DNER: variants seen among roughly 807,000 people sequenced by gnomAD.
The protein encoded by DNER is delta/notch like EGF repeat containing, also known as delta and Notch-like epidermal growth factor-related receptor.
DNER carries 33 observed loss-of-function variants against 78.2 expected under a neutral mutation model. That is an observed-to-expected ratio of 0.42 (90% CI 0.32 to 0.56). DNER has a LOEUF of 0.56. Among genes scored for constraint, DNER ranks in the 20% least tolerant of loss-of-function variants. DNER has a pLI of 0.11. For synonymous variants in DNER, 417 were observed against 384.8 expected (o/e 1.08, Z -0.98); for missense variants, 918 against 975.3 (o/e 0.94, Z 0.78).
At chr2:229,480,611 G>A (rs74779058) in intron 6 of DNER, among the ~76,000 whole-genome samples, 18,998 of 152,146 alleles carry the variant, frequency 0.12, 1,329 homozygotes, top group South Asian at 0.2. Context: ...ATTTCAATCA[G>A]AGAGGCTAAT....
chr2:229,466,366 GA>G (rs1240567501), intron 7 of DNER, among the ~76,000 whole-genome samples: 1 of 152,020 alleles, frequency 6.6e-6, no homozygotes, highest in Non-Finnish European at 1.5e-5. Context: ...CTCTCTTCCT[GA>G]AAGAGTCTTT....
At chr2:229,548,129 C>T (rs1362088805) in intron 4 of DNER, among the ~76,000 whole-genome samples, 1 of 151,994 alleles carries the variant, frequency 6.6e-6, no homozygotes, top group Non-Finnish European at 1.5e-5. Context: ...TTTGTAAGAC[C>T]AAGGGGACTA....
At chr2:229,655,352 G>A (rs1344779845) in intron 1 of DNER, among the ~76,000 whole-genome samples, 1 of 152,156 alleles carries the variant, frequency 6.6e-6, no homozygotes, top group Non-Finnish European at 1.5e-5. Flanking sequence ...TGTAAGAAAT[G>A]ATAACTAAGA....
intron 1 of DNER, among the ~76,000 whole-genome samples, chr2:229,688,663 T>C (rs957622431): frequency 6.6e-6 from 1 of 152,194 alleles, no homozygotes; most frequent in African/African-American, 2.4e-5. Context: ...ATAAGACTGC[T>C]TCCTGGGAGA....
chr2:229,471,801 T>C (rs1404256313), intron 7 of DNER, among the ~76,000 whole-genome samples: 8 of 152,198 alleles, frequency 5.3e-5, no homozygotes, highest in Admixed American at 2.0e-4. Flanking sequence ...TACTCTACTT[T>C]ATAAATTAAA....
At chr2:229,418,764 A>AT (rs1184820149) in intron 8 of DNER, among the ~76,000 whole-genome samples, 2 of 150,342 alleles carry the variant, frequency 1.3e-5, no homozygotes, top group Non-Finnish European at 3.0e-5. Context: ...TACTAAAAAT[A>AT]CAAAAAATTA....
chr2:229,576,827 G>C (rs1697312141), intron 4 of DNER, among the ~76,000 whole-genome samples: 1 of 152,170 alleles, frequency 6.6e-6, no homozygotes, highest in Non-Finnish European at 1.5e-5. Context: ...TGGGAAACCT[G>C]CAGAGCTGAG....
intron 6 of DNER, among the ~76,000 whole-genome samples, chr2:229,485,355 A>C: frequency 6.6e-6 from 1 of 152,216 alleles, no homozygotes; most frequent in Non-Finnish European, 1.5e-5. Flanking sequence ...GCAGAAAGTG[A>C]CCAGACACTT....
intron 1 of DNER, among the ~76,000 whole-genome samples, chr2:229,669,837 G>T (rs973739946): frequency 2.0e-5 from 3 of 152,194 alleles, no homozygotes; most frequent in East Asian, 3.8e-4. Flanking sequence ...ATGGGAAAAA[G>T]ATCATAACAT....
chr2:229,386,742 T>A (rs1215219019), intron 11 of DNER, among the ~76,000 whole-genome samples: 2 of 152,134 alleles, frequency 1.3e-5, no homozygotes, highest in African/African-American at 4.8e-5. Flanking sequence ...TCATCACTGG[T>A]CATTAGTGAA....
chr2:229,515,347 A>G (rs749691590), intron 5 of DNER, among the ~76,000 whole-genome samples: 6 of 152,232 alleles, frequency 3.9e-5, no homozygotes, highest in Non-Finnish European at 8.8e-5. Flanking sequence ...CTCTCTGTGC[A>G]TTGGAAGATT....
intron 4 of DNER, among the ~76,000 whole-genome samples, chr2:229,552,024 C>T (rs1164891604): frequency 1.3e-5 from 2 of 152,106 alleles, no homozygotes; most frequent in East Asian, 1.9e-4. Flanking sequence ...GTAATATAGA[C>T]GTGTGTGGAA....
At position 229,367,171 on chromosome 2, in the gene DNER, T is replaced by C; in HGVS notation, c.1856-52A>G. 3 of 1,606,010 alleles carry C rather than the reference T, an allele frequency of 1.9e-6. No homozygotes were observed. In the African/African-American group the frequency reaches 4.0e-5, roughly 21 times the overall value. Reference sequence around the variant, plus strand: ...GGGTATGAGTTGTCACCTTTGAGAATGAGAAGGCCTTTTTCATCTTTGCAT... The same window carrying C: ...GGGTATGAGTTGTCACCTTTGAGAACGAGAAGGCCTTTTTCATCTTTGCAT... On this transcript the variant is annotated intron_variant, in intron 11 of 12. Transcript: ENST00000341772.
chr2:229,380,565 C>T (rs1692713853), intron 11 of DNER, among the ~76,000 whole-genome samples: 1 of 152,060 alleles, frequency 6.6e-6, no homozygotes, highest in African/African-American at 2.4e-5. Flanking sequence ...ATCAAATTGC[C>T]CCAGCTAATT....
intron 1 of DNER, among the ~76,000 whole-genome samples, chr2:229,688,513 C>T (rs1023187712): frequency 1.8e-4 from 28 of 152,126 alleles, no homozygotes; most frequent in Non-Finnish European, 1.5e-5. Flanking sequence ...ATCCCACATC[C>T]GTAGTTTGTG....
chr2:229,497,029 C>T (rs986850348), intron 6 of DNER, among the ~76,000 whole-genome samples: 2 of 152,186 alleles, frequency 1.3e-5, no homozygotes, highest in Middle Eastern at 3.4e-3. Flanking sequence ...GGAGCATTCT[C>T]CAGAACAAAT....
At chr2:229,644,028 C>A (rs1245752434) in intron 1 of DNER, among the ~76,000 whole-genome samples, 1 of 152,204 alleles carries the variant, frequency 6.6e-6, no homozygotes, top group Non-Finnish European at 1.5e-5. Context: ...GCTTGCACAG[C>A]TGTGACTGTT....
intron 8 of DNER, among the ~76,000 whole-genome samples, chr2:229,430,378 G>A (rs1693978070): frequency 6.6e-6 from 1 of 152,184 alleles, no homozygotes; most frequent in Non-Finnish European, 1.5e-5. Flanking sequence ...CTGTGTCTGT[G>A]AGTCTGTTGC....
intron 1 of DNER, among the ~76,000 whole-genome samples, chr2:229,631,590 TA>T (rs1698434674): frequency 6.6e-6 from 1 of 152,198 alleles, no homozygotes; most frequent in African/African-American, 2.4e-5. Flanking sequence ...TTTCATAATT[TA>T]AAAAATATAT....
Sources: gnomAD v4.1 joint callset for allele counts (sites outside exome capture counted in the v4.1 genomes callset) on GRCh38, gnomAD v4.1.1 for gene constraint, MANE v1.5 for transcripts, NCBI Gene and HGNC (gene_info 2026-07-23, HGNC 2026-07-21) for gene names.